The following CNTN4 variants were observed in gnomAD, a reference collection of about 807,000 sequenced individuals.
The protein encoded by CNTN4 is contactin-4.
A neutral mutation model predicts 122.5 loss-of-function variants in CNTN4; 77 were observed. The observed-to-expected ratio is 0.63, with a 90% CI of 0.52 to 0.76. The LOEUF (loss-of-function observed/expected upper bound fraction) is 0.76. Among genes scored for constraint, CNTN4 ranks in the 30% least tolerant of loss-of-function variants. The pLI, the probability that CNTN4 is intolerant of heterozygous loss-of-function variation, is 0.00. For synonymous variants in CNTN4, 512 were observed against 447.0 expected (o/e 1.15, Z -1.83); for missense variants, 1,256 against 1,259.1 (o/e 1.00, Z 0.04).
chr3:2,230,465 A>G (rs1396417138), intron 2 of CNTN4, among the ~76,000 whole-genome samples: 1 of 152,194 alleles, frequency 6.6e-6, no homozygotes, highest in East Asian at 1.9e-4. Context: ...CGTGCTGGGC[A>G]TTGCCTCAAT....
In CNTN4 at chr3:2,357,487, GTT is replaced by G. The variant is rs1166465631; in HGVS notation, c.-89+18257_-89+18258del. 2.0e-5 allele frequency among the ~76,000 whole-genome samples: 3 copies of G among 152,138 alleles called. No homozygotes were observed. The East Asian group carries it at 5.8e-4, about 29-fold the overall frequency. On this transcript the variant is annotated intron_variant, in intron 3 of 24. Coordinates refer to ENST00000418658, the MANE Select transcript of CNTN4 (RefSeq NM_175607.3). ...AGCCTTAATTCACTATCGCTGTCTAGTTTTCAGCTCTAGTAGGTATTGTAAAC... is the reference window on the plus strand; with the variant it reads ...AGCCTTAATTCACTATCGCTGTCTAGTTCAGCTCTAGTAGGTATTGTAAAC...
chr3:2,907,253 A>C lies in CNTN4; in HGVS notation c.1207+4248A>C, dbSNP rs193245820. On this transcript the variant is annotated intron_variant, in intron 12 of 24. Coordinates refer to ENST00000418658, the MANE Select transcript of CNTN4 (RefSeq NM_175607.3). ...GATGCTGAATTGAACAAAGAAACAA[A>C]ATGGAAACAAGATAATCTCTTGTTA... Among the ~76,000 whole-genome samples, 3 of 152,278 alleles carry C rather than the reference A, an allele frequency of 2.0e-5. No homozygotes were observed. In the East Asian group the frequency reaches 5.8e-4, roughly 29 times the overall value.
At chr3:2,365,096 T>C (rs1228156667) in intron 3 of CNTN4, among the ~76,000 whole-genome samples, 1 of 151,592 alleles carries the variant, frequency 6.6e-6, no homozygotes, top group Non-Finnish European at 1.5e-5. Flanking sequence ...TTCTTTGGTT[T>C]AATTTTTTTT....
intron 3 of CNTN4, among the ~76,000 whole-genome samples, chr3:2,359,382 G>A (rs569002588): frequency 5.1e-4 from 78 of 152,178 alleles, no homozygotes; most frequent in Middle Eastern, 6.8e-3. Context: ...ATCTGGAATT[G>A]GTCTTGTATC....
At chr3:2,116,753 A>G (rs761209895) in intron 2 of CNTN4, among the ~76,000 whole-genome samples, 1 of 152,112 alleles carries the variant, frequency 6.6e-6, no homozygotes, top group Non-Finnish European at 1.5e-5. Context: ...TTGCTTCTCT[A>G]TCCCCCCTGC....
chr3:2,506,917 G>T (rs146327249), intron 3 of CNTN4, among the ~76,000 whole-genome samples: 1 of 152,008 alleles, frequency 6.6e-6, no homozygotes, highest in Non-Finnish European at 1.5e-5. Flanking sequence ...TTTATTTAGC[G>T]ATCATGCCTC....
chr3:2,648,431 G>A (rs2150170641), intron 4 of CNTN4, among the ~76,000 whole-genome samples: 1 of 152,212 alleles, frequency 6.6e-6, no homozygotes, highest in Middle Eastern at 3.4e-3. Flanking sequence ...TCACATTTTT[G>A]TAATTGTCAC....
At chr3:2,349,365 CAA>C (rs1348131708) in intron 3 of CNTN4, among the ~76,000 whole-genome samples, 1 of 151,986 alleles carries the variant, frequency 6.6e-6, no homozygotes, top group African/African-American at 2.4e-5. Context: ...TTCAAAATTG[CAA>C]AACAGTCTTT....
chr3:2,858,995 T>TCTCTTGAA (rs2093645828), intron 7 of CNTN4, among the ~76,000 whole-genome samples: 2 of 152,202 alleles, frequency 1.3e-5, no homozygotes, highest in African/African-American at 4.8e-5. Flanking sequence ...GTACAATAGC[T>TCTCTTGAA]CTCTTGAACT....
At chr3:2,907,241 A>C (rs913448815) in intron 12 of CNTN4, among the ~76,000 whole-genome samples, 3 of 152,186 alleles carry the variant, frequency 2.0e-5, no homozygotes, top group African/African-American at 7.2e-5. Context: ...GCTGAATTGA[A>C]CAAAGAAACA....
intron 2 of CNTN4, among the ~76,000 whole-genome samples, chr3:2,198,478 T>C (rs1047764555): frequency 3.3e-5 from 5 of 152,208 alleles, no homozygotes; most frequent in South Asian, 2.1e-4. Flanking sequence ...ACTTTACTTA[T>C]GGTTGTGAAA....
intron 23 of CNTN4, among the ~76,000 whole-genome samples, chr3:3,045,210 A>G (rs1393082836): frequency 1.3e-5 from 2 of 152,238 alleles, no homozygotes; most frequent in Non-Finnish European, 2.9e-5. Flanking sequence ...GGGGCAGGGC[A>G]TAGCCAAACA....
At chr3:2,780,854 C>T (rs2091539832) in intron 6 of CNTN4, among the ~76,000 whole-genome samples, 1 of 152,184 alleles carries the variant, frequency 6.6e-6, no homozygotes, top group Non-Finnish European at 1.5e-5. Flanking sequence ...TCTTTAGCAT[C>T]CCTGCATTAT....
chr3:2,650,349 A>G (rs892826200), intron 4 of CNTN4, among the ~76,000 whole-genome samples: 1 of 152,186 alleles, frequency 6.6e-6, no homozygotes, highest in Non-Finnish European at 1.5e-5. Context: ...GTTGCTTCTT[A>G]TAGATAAGCA....
intron 2 of CNTN4, among the ~76,000 whole-genome samples, chr3:2,155,110 A>G (rs2035661398): frequency 1.3e-5 from 2 of 152,250 alleles, no homozygotes. Flanking sequence ...ATTTGTTTCC[A>G]GAAAAAGCTT....
At chr3:3,003,258 G>C (rs1263532022) in intron 14 of CNTN4, among the ~76,000 whole-genome samples, 1 of 152,184 alleles carries the variant, frequency 6.6e-6, no homozygotes, top group Non-Finnish European at 1.5e-5. Flanking sequence ...GCCATGTGTA[G>C]ATGTATCAGA....
chr3:2,760,102 G>A (rs953007787), intron 6 of CNTN4, among the ~76,000 whole-genome samples: 6 of 152,026 alleles, frequency 3.9e-5, no homozygotes, highest in African/African-American at 1.4e-4. Context: ...TATACGATTT[G>A]TAAATATTTT....
intron 16 of CNTN4, among the ~76,000 whole-genome samples, chr3:3,033,986 T>C (rs1699391430): frequency 6.6e-6 from 1 of 152,220 alleles, no homozygotes; most frequent in Non-Finnish European, 1.5e-5. Context: ...GAAATTGCTT[T>C]GAAGAAGGGA....
At chr3:3,011,302 A>G (rs1234698481) in intron 14 of CNTN4, among the ~76,000 whole-genome samples, 3 of 152,198 alleles carry the variant, frequency 2.0e-5, no homozygotes, top group Non-Finnish European at 4.4e-5. Context: ...AGATAGCTGT[A>G]GAAATCAGCA....
Sources: gnomAD v4.1 joint callset for allele counts (sites outside exome capture counted in the v4.1 genomes callset) on GRCh38, gnomAD v4.1.1 for gene constraint, MANE v1.5 for transcripts, NCBI Gene and HGNC (gene_info 2026-07-23, HGNC 2026-07-21) for gene names.